DLC1: variants seen among roughly 807,000 people sequenced by gnomAD.
The protein encoded by DLC1 is rho GTPase-activating protein 7.
A neutral mutation model predicts 140.3 loss-of-function variants in DLC1; 54 were observed. That is an observed-to-expected ratio of 0.38 (90% CI 0.31 to 0.48). The LOEUF is 0.48. Ranked by LOEUF, DLC1 falls within the 20% of genes least tolerant of loss-of-function variation. The probability of loss-of-function intolerance (pLI) is 0.96; values close to 1 mark genes in which losing one functional copy is unlikely to be tolerated. For missense variants in DLC1, 2,536 were observed against 1,907.0 expected, an observed-to-expected ratio of 1.33 and a Z score of -6.14; for synonymous variants, 986 against 728.1, an observed-to-expected ratio of 1.35 and a Z score of -5.70.
At chr8:13,389,320 A>T (rs537087174) in intron 4 of DLC1, among the ~76,000 whole-genome samples, 1 of 152,048 alleles carries the variant, frequency 6.6e-6, no homozygotes, top group African/African-American at 2.4e-5. Flanking sequence ...ACCAGGAACA[A>T]CTCAAGCCAC....
intron 1 of DLC1, among the ~76,000 whole-genome samples, chr8:13,514,311 C>G (rs1447169676): frequency 1.3e-5 from 2 of 151,988 alleles, no homozygotes; most frequent in African/African-American, 2.4e-5. Flanking sequence ...GAAAACTGAT[C>G]CGACAGCTCA....
At chr8:13,568,416 G>T in intron 1 of DLC1, 1 of 161,072 alleles carries the variant, frequency 6.2e-6, no homozygotes. Flanking sequence ...GGTGCATTTG[G>T]GACATACACA....
At chr8:13,228,395 T>A (rs910021228) in intron 5 of DLC1, among the ~76,000 whole-genome samples, 1 of 151,468 alleles carries the variant, frequency 6.6e-6, no homozygotes, top group African/African-American at 2.4e-5. Context: ...GAATTGTATA[T>A]GGAATACATA....
chr8:13,572,454 G>A (rs1355394659), intron 1 of DLC1, among the ~76,000 whole-genome samples: 1 of 152,084 alleles, frequency 6.6e-6, no homozygotes, highest in East Asian at 1.9e-4. Context: ...TCTCTTGATA[G>A]TGTCTTTTTA....
At chr8:13,456,687 G>A (rs1211195925) in intron 2 of DLC1, among the ~76,000 whole-genome samples, 1 of 152,100 alleles carries the variant, frequency 6.6e-6, no homozygotes, top group African/African-American at 2.4e-5. Flanking sequence ...TTGAACTCCT[G>A]ACTTCAAATG....
At chr8:13,326,468 A>G (rs1324696906) in intron 4 of DLC1, among the ~76,000 whole-genome samples, 1 of 152,180 alleles carries the variant, frequency 6.6e-6, no homozygotes, top group Non-Finnish European at 1.5e-5. Flanking sequence ...TTGTGCATAT[A>G]GTCTTGCCAC....
At chr8:13,456,314 C>T (rs1799388054) in intron 2 of DLC1, among the ~76,000 whole-genome samples, 1 of 152,154 alleles carries the variant, frequency 6.6e-6, no homozygotes. Flanking sequence ...GTGTTGGATA[C>T]CAGCCAATAG....
intron 5 of DLC1, among the ~76,000 whole-genome samples, chr8:13,120,356 A>AAAAAAAAAAAAAAATATATATATAT: frequency 3.4e-4 from 21 of 61,106 alleles, no homozygotes; most frequent in African/African-American, 6.7e-4. Context: ...AAAAAAAAAA[A>AAAAAAAAAAAAAAATATATATATAT]ATATATATAT....
At chr8:13,390,738 AG>A (rs1836717869) in intron 4 of DLC1, among the ~76,000 whole-genome samples, 1 of 152,218 alleles carries the variant, frequency 6.6e-6, no homozygotes, top group Admixed American at 6.5e-5. Flanking sequence ...CTGTAATCCC[AG>A]CACTTTGGGA....
chr8:13,557,665 G>C (rs1804095217), intron 1 of DLC1: 1 of 152,342 alleles, frequency 6.6e-6, no homozygotes. Flanking sequence ...GAAGGTGCCT[G>C]TTACCCCTTC....
At chr8:13,307,880 A>T (rs1277087870) in intron 4 of DLC1, among the ~76,000 whole-genome samples, 1 of 152,218 alleles carries the variant, frequency 6.6e-6, no homozygotes, top group Non-Finnish European at 1.5e-5. Context: ...GAGCCACACT[A>T]AACAGACTTA....
At chr8:13,128,561 G>C (rs1161438869) in intron 5 of DLC1, among the ~76,000 whole-genome samples, 1 of 152,218 alleles carries the variant, frequency 6.6e-6, no homozygotes, top group African/African-American at 2.4e-5. Context: ...TGCTGGACGC[G>C]GTGGCTCACG....
chr8:13,402,351 C>T (rs150021926), intron 2 of DLC1, among the ~76,000 whole-genome samples: 1 of 152,282 alleles, frequency 6.6e-6, no homozygotes, highest in Admixed American at 6.5e-5. Context: ...GTTACTTGGG[C>T]ATGACTCAAC....
At chr8:13,254,862 C>T (rs922988817) in intron 5 of DLC1, among the ~76,000 whole-genome samples, 1 of 152,084 alleles carries the variant, frequency 6.6e-6, no homozygotes, top group Non-Finnish European at 1.5e-5. Flanking sequence ...TCAGAAGGCA[C>T]AATAGTGATG....
intron 4 of DLC1, among the ~76,000 whole-genome samples, chr8:13,335,299 C>T (rs721956): frequency 0.3 from 46,031 of 152,012 alleles, 7,828 homozygotes; most frequent in Non-Finnish European, 0.39. Flanking sequence ...GGGTAGAGAA[C>T]TTGACTAAAG....
intron 5 of DLC1, among the ~76,000 whole-genome samples, chr8:13,256,468 A>G (rs11987967): frequency 0.036 from 5,439 of 152,270 alleles, 312 homozygotes; most frequent in African/African-American, 0.12. Flanking sequence ...CTTGGAACCA[A>G]CTCAAATGTC....
Position 13,335,747 on chromosome 8 carries a change from A to G in DLC1, c.1315-30445T>C, listed in dbSNP as rs774465138. On this transcript the variant is annotated intron_variant, in intron 4 of 17. Coordinates refer to ENST00000276297, the MANE Select transcript of DLC1 (RefSeq NM_182643.3). ...AAATGCTCAAGCCAAACCTGGATCT[A>G]TTGTTCCATAGAATCATGGCAGACT... is the stretch of plus-strand genomic sequence containing the variant. 1.6e-4 allele frequency among the ~76,000 whole-genome samples: 24 copies of G among 152,138 alleles called. 1 individual carries two copies. The highest frequency in any genetic ancestry group is 1.5e-3 in the Admixed American group (23 of 15,280).
At chr8:13,483,116 C>G (rs1451877871) in intron 2 of DLC1, among the ~76,000 whole-genome samples, 1 of 152,158 alleles carries the variant, frequency 6.6e-6, no homozygotes, top group East Asian at 1.9e-4. Flanking sequence ...AGGCGCTCCT[C>G]TACTTATGGC....
At chr8:13,173,470 G>A (rs1400881820) in intron 5 of DLC1, among the ~76,000 whole-genome samples, 1 of 140,476 alleles carries the variant, frequency 7.1e-6, no homozygotes, top group Non-Finnish European at 1.5e-5. Flanking sequence ...CTCCCGTGTT[G>A]AAGCGATTCT....
Sources: allele counts gnomAD v4.1 joint callset (sites outside exome capture counted in the v4.1 genomes callset), GRCh38; gene constraint gnomAD v4.1.1; transcripts MANE v1.5; gene names NCBI Gene and HGNC (gene_info 2026-07-23, HGNC 2026-07-21).